LMX1A: variants seen among roughly 807,000 people sequenced by gnomAD.
LMX1A encodes the protein LIM homeobox transcription factor 1-alpha.
Under a neutral mutation model 49.1 loss-of-function variants are expected in LMX1A, and 15 were observed. That is an observed-to-expected ratio of 0.31 (90% CI 0.20 to 0.47). The LOEUF (loss-of-function observed/expected upper bound fraction) is 0.47. Among genes scored for constraint, LMX1A ranks in the 20% least tolerant of loss-of-function variants. The pLI is 1.00. For missense variants in LMX1A, 372 were observed against 475.8 expected, an observed-to-expected ratio of 0.78 and a Z score of 2.03; for synonymous variants, 167 against 185.7, an observed-to-expected ratio of 0.90 and a Z score of 0.82.
At chr1:165,254,592 G>A (rs76545067) in intron 3 of LMX1A, among the ~76,000 whole-genome samples, 11,796 of 152,234 alleles carry the variant, frequency 0.077, 612 homozygotes, top group Middle Eastern at 0.15. Context: ...CTACCGCTGT[G>A]GACCCAGCTG....
chr1:165,233,428 C>G (rs1652307776), intron 4 of LMX1A, among the ~76,000 whole-genome samples: 1 of 152,186 alleles, frequency 6.6e-6, no homozygotes, highest in African/African-American at 2.4e-5. Context: ...GCACTCTAGC[C>G]TGGGTGACAG....
chr1:165,276,285 CCTT>C (rs1653965856), intron 3 of LMX1A, among the ~76,000 whole-genome samples: 1 of 152,204 alleles, frequency 6.6e-6, no homozygotes, highest in Non-Finnish European at 1.5e-5. Flanking sequence ...ACAAGCTCCT[CCTT>C]GTCTGATACT....
At chr1:165,316,496 C>G (rs777606423) in intron 3 of LMX1A, among the ~76,000 whole-genome samples, 7 of 152,144 alleles carry the variant, frequency 4.6e-5, no homozygotes, top group Non-Finnish European at 1.0e-4. Flanking sequence ...GATGGGCACC[C>G]TTGGCAGTAA....
chr1:165,229,984 G>A lies in LMX1A; in HGVS notation c.497-16171C>T, dbSNP rs116452573. Among the ~76,000 whole-genome samples the A allele has an allele frequency of 2.6e-3, 401 of 152,284 alleles. 4 individuals carry two copies. Among genetic ancestry groups the A allele is most frequent in the African/African-American group, 9.2e-3 (381 of 41,554 alleles). ...TGTTTTAAAAGGTTAGGCCTTTGGA[G>A]GTCATTAGGTCATAATGGGGGAACC... On this transcript the variant is annotated intron_variant, in intron 4 of 8. Transcript: ENST00000342310.
chr1:165,254,241 T>C (rs558413670), intron 3 of LMX1A, among the ~76,000 whole-genome samples: 1 of 152,094 alleles, frequency 6.6e-6, no homozygotes, highest in African/African-American at 2.4e-5. Flanking sequence ...CATCCCCCAC[T>C]CCAAAAATTT....
intron 4 of LMX1A, among the ~76,000 whole-genome samples, chr1:165,221,970 C>T (rs1651868510): frequency 6.6e-6 from 1 of 151,888 alleles, no homozygotes; most frequent in African/African-American, 2.4e-5. Flanking sequence ...CACGCTTTCT[C>T]TCTCTCTCCA....
At chr1:165,252,876 T>C (rs923396665) in intron 3 of LMX1A, among the ~76,000 whole-genome samples, 3 of 152,242 alleles carry the variant, frequency 2.0e-5, no homozygotes, top group African/African-American at 7.2e-5. Flanking sequence ...CCAACTACCA[T>C]GATGGCCTAA....
chr1:165,213,947 T>G, intron 4 of LMX1A, 134 bp from the exon 5 acceptor site: 1 of 758,142 alleles, frequency 1.3e-6, no homozygotes, highest in South Asian at 1.8e-5. Flanking sequence ...CTATGTGGTA[T>G]TGCTTTGAAA....
chr1:165,229,136 T>C (rs944533713), intron 4 of LMX1A, among the ~76,000 whole-genome samples: 2 of 146,508 alleles, frequency 1.4e-5, no homozygotes, highest in Non-Finnish European at 3.0e-5. Context: ...ATGAAAAAAA[T>C]GTGGCCATTT....
At chr1:165,299,425 C>G (rs904160425) in intron 3 of LMX1A, among the ~76,000 whole-genome samples, 4 of 152,198 alleles carry the variant, frequency 2.6e-5, no homozygotes, top group Non-Finnish European at 4.4e-5. Flanking sequence ...GGGCCATGCT[C>G]TCTATCCTGG....
chr1:165,281,297 A>G (rs1244020596), intron 3 of LMX1A, among the ~76,000 whole-genome samples: 1 of 152,158 alleles, frequency 6.6e-6, no homozygotes, highest in Non-Finnish European at 1.5e-5. Flanking sequence ...GCCACCTTAA[A>G]TCCTGGTCTC....
At position 165,355,477 on chromosome 1, in the gene LMX1A, C is replaced by A. The variant is rs1484261350; in HGVS notation, c.76+7G>T. ...GTGCGCCCAGGACGCACGGCCTGAA[C>A]ACTCACCCAGCAGCGAGGAGAAGGA... On this transcript the variant is annotated splice_region_variant and intron_variant, in intron 2 of 8. Coordinates refer to ENST00000342310, the MANE Select transcript of LMX1A (RefSeq NM_177398.4). This position sits in a 1 kb window ranked among gnomAD's most constrained non-coding sequence, Gnocchi z 4.7. 15 of 1,613,640 alleles carry A rather than the reference C, an allele frequency of 9.3e-6. No individual in the cohort carries two copies. Among genetic ancestry groups the A allele is most frequent in the Non-Finnish European group, 1.3e-5 (15 of 1,179,864 alleles).
At chr1:165,204,492 T>C (rs1314471024) in intron 8 of LMX1A, among the ~76,000 whole-genome samples, 1 of 152,234 alleles carries the variant, frequency 6.6e-6, no homozygotes, top group Non-Finnish European at 1.5e-5. Flanking sequence ...AAGGGTCTAC[T>C]ATCAGCTGTT....
intron 3 of LMX1A, among the ~76,000 whole-genome samples, chr1:165,314,885 A>G (rs1329503334): frequency 6.6e-6 from 1 of 152,218 alleles, no homozygotes; most frequent in Non-Finnish European, 1.5e-5. Flanking sequence ...TCCACTTGGC[A>G]TCAGATGGAG....
intron 3 of LMX1A, among the ~76,000 whole-genome samples, chr1:165,323,671 C>G (rs962191228): frequency 6.6e-6 from 1 of 152,204 alleles, no homozygotes; most frequent in African/African-American, 2.4e-5. Flanking sequence ...TTTACCTACT[C>G]TAGAAAACCT....
chr1:165,214,459 C>G (rs1444463851), intron 4 of LMX1A, among the ~76,000 whole-genome samples: 1 of 152,196 alleles, frequency 6.6e-6, no homozygotes, highest in Admixed American at 6.5e-5. Context: ...ACTTAACTCT[C>G]TACAACTAAA....
intron 4 of LMX1A, among the ~76,000 whole-genome samples, chr1:165,239,638 T>G (rs997953556): frequency 6.6e-6 from 1 of 152,214 alleles, no homozygotes; most frequent in Non-Finnish European, 1.5e-5. Context: ...GAAAACAATC[T>G]GAAAGGCTCA....
intron 5 of LMX1A, chr1:165,213,408 G>A (rs2102603695): frequency 2.2e-6 from 1 of 448,148 alleles, no homozygotes; most frequent in Admixed American, 3.9e-5. Context: ...GGTGTGACAG[G>A]GGCCATTTGG....
At chr1:165,232,507 A>G (rs1426116341) in intron 4 of LMX1A, among the ~76,000 whole-genome samples, 2 of 152,162 alleles carry the variant, frequency 1.3e-5, no homozygotes, top group Non-Finnish European at 2.9e-5. Flanking sequence ...GAACATTTCC[A>G]TATTTTTTTT....
Sources: allele counts gnomAD v4.1 joint callset (sites outside exome capture counted in the v4.1 genomes callset), GRCh38; gene constraint gnomAD v4.1.1; non-coding constraint Gnocchi (gnomAD v3.1); transcripts MANE v1.5; gene names NCBI Gene and HGNC (gene_info 2026-07-23, HGNC 2026-07-21).